Variants in RNF150 observed in about 807,000 individuals in gnomAD.
The protein encoded by RNF150 is ring finger protein 150.
A neutral mutation model predicts 39.3 loss-of-function variants in RNF150; 24 were observed. The observed-to-expected ratio is 0.61, with a 90% CI of 0.44 to 0.86. The LOEUF is 0.86. Ranked by LOEUF, RNF150 falls within the 40% of genes least tolerant of loss-of-function variation. The pLI is 0.00. For synonymous variants in RNF150, 255 were observed against 227.3 expected, an observed-to-expected ratio of 1.12 and a Z score of -1.10; for missense variants, 502 against 587.8, an observed-to-expected ratio of 0.85 and a Z score of 1.51.
upstream of RNF150, among the ~76,000 whole-genome samples, chr4:141,136,950 T>G (rs1727037329): frequency 6.6e-6 from 1 of 152,192 alleles, no homozygotes; most frequent in African/African-American, 2.4e-5. Context: ...TGTGGCTATT[T>G]GGGGGACTGG....
chr4:141,014,880 C>T (rs1269860380), intron 1 of RNF150, among the ~76,000 whole-genome samples: 1 of 152,074 alleles, frequency 6.6e-6, no homozygotes, highest in Non-Finnish European at 1.5e-5. Flanking sequence ...GGATCATATC[C>T]AAAAATCATT....
Position 140,911,136 on chromosome 4 carries a change from GA to G in RNF150, c.1198+7del, listed in dbSNP as rs766309706. The G allele has an allele frequency of 3.2e-5, 51 of 1,607,734 alleles. No individual in the cohort carries two copies. The highest frequency in any genetic ancestry group is 3.9e-5 in the Non-Finnish European group (46 of 1,174,358). On this transcript the variant is annotated splice_region_variant and intron_variant, in intron 6 of 6. Transcript: ENST00000515673. ...TGGCTATGTCACTTTAAGTATGGCAGAACTCACTGTTAGTAGTAAAGATGAC... is the reference window on the plus strand; with the variant it reads ...TGGCTATGTCACTTTAAGTATGGCAGACTCACTGTTAGTAGTAAAGATGAC...
intron 1 of RNF150, among the ~76,000 whole-genome samples, chr4:141,145,245 T>C (rs781416748): frequency 2.0e-5 from 3 of 152,222 alleles, no homozygotes; most frequent in Admixed American, 6.5e-5. Context: ...AGAATTTAAA[T>C]AGTTACAAAA....
chr4:140,929,720 T>C lies in RNF150; in HGVS notation c.891-3647A>G, dbSNP rs142343498. ...GCAAGGCTGTAGTATAGTTCTTCAA[T>C]TGACACAAGTCAAGATGTTGCTATG... is the stretch of plus-strand genomic sequence containing the variant. On this transcript the variant is annotated intron_variant, in intron 4 of 6. Coordinates refer to ENST00000515673, the MANE Select transcript of RNF150 (RefSeq NM_020724.2). Among the ~76,000 whole-genome samples the C allele has an allele frequency of 2.0e-3, 312 of 152,248 alleles. 8 individuals carry two copies. In the East Asian group the frequency reaches 0.047, roughly 23 times the overall value.
chr4:141,087,348 G>T (rs1440003599), intron 1 of RNF150, among the ~76,000 whole-genome samples: 1 of 152,146 alleles, frequency 6.6e-6, no homozygotes, highest in African/African-American at 2.4e-5. Flanking sequence ...ATTCCATGGT[G>T]TATATATACT....
At chr4:141,044,926 A>C (rs892067386) in intron 1 of RNF150, among the ~76,000 whole-genome samples, 7 of 152,206 alleles carry the variant, frequency 4.6e-5, no homozygotes, top group African/African-American at 1.7e-4. Context: ...TTAATATATT[A>C]ATGTTCTTAG....
At chr4:141,032,782 T>A (rs899289164) in intron 1 of RNF150, among the ~76,000 whole-genome samples, 7 of 152,184 alleles carry the variant, frequency 4.6e-5, no homozygotes, top group Non-Finnish European at 1.0e-4. Context: ...ATTTTTTGGT[T>A]TCCCACTGCA....
chr4:141,023,642 A>T (rs1735583767), intron 1 of RNF150, among the ~76,000 whole-genome samples: 1 of 152,142 alleles, frequency 6.6e-6, no homozygotes, highest in African/African-American at 2.4e-5. Flanking sequence ...GACAGTTTAC[A>T]TTCTCTTTTT....
intron 6 of RNF150, among the ~76,000 whole-genome samples, chr4:140,897,097 A>C (rs1183114160): frequency 1.3e-5 from 2 of 152,186 alleles, no homozygotes; most frequent in East Asian, 3.9e-4. Flanking sequence ...CTTAAGAAGG[A>C]TCCTCCAAGG....
intron 1 of RNF150, among the ~76,000 whole-genome samples, chr4:141,075,921 C>A (rs1211243329): frequency 6.6e-6 from 1 of 151,932 alleles, no homozygotes; most frequent in East Asian, 1.9e-4. Flanking sequence ...TAACCAAAAA[C>A]CACCTGTTCT....
intron 1 of RNF150, among the ~76,000 whole-genome samples, chr4:141,091,641 T>G (rs1024570952): frequency 6.6e-6 from 1 of 152,086 alleles, no homozygotes; most frequent in African/African-American, 2.4e-5. Flanking sequence ...AGGAGGGGGA[T>G]CAAGTGTTGA....
At chr4:141,071,223 G>A (rs1309837070) in intron 1 of RNF150, among the ~76,000 whole-genome samples, 1 of 130,200 alleles carries the variant, frequency 7.7e-6, no homozygotes, top group African/African-American at 2.9e-5. Flanking sequence ...CACACTCTGG[G>A]GACTGTGGTG....
In RNF150 at chr4:140,860,603, G is replaced by A. The variant is rs1165380996; in HGVS notation, c.*7658C>T. ...AATCATTTTACAACAAAAGCATTTT[G>A]TTGCAAGCATTTGTTTACAATAAAA... On this transcript the variant is annotated 3_prime_UTR_variant, in exon 7 of 7. Transcript: ENST00000515673. 2 of 152,108 alleles carry A rather than the reference G, an allele frequency of 1.3e-5. No individual in the cohort carries two copies. Among genetic ancestry groups the A allele is most frequent in the African/African-American group, 4.8e-5 (2 of 41,418 alleles). 9.4% of individuals were successfully genotyped at this position (152,108 alleles called of 1,614,324 possible). A position where few individuals can be genotyped will look rare whatever the true frequency, so the allele number is the denominator to read the frequency against.
chr4:141,071,658 T>G (rs568590191), intron 1 of RNF150, among the ~76,000 whole-genome samples: 1 of 152,112 alleles, frequency 6.6e-6, no homozygotes, highest in African/African-American at 2.4e-5. Flanking sequence ...AAATACAACA[T>G]CCTATGACTC....
intron 6 of RNF150, among the ~76,000 whole-genome samples, chr4:140,885,136 G>A (rs1729516039): frequency 6.7e-6 from 1 of 148,938 alleles, no homozygotes; most frequent in Non-Finnish European, 1.5e-5. Context: ...TGGCTGTACT[G>A]TTTTTCCATC....
intron 2 of RNF150, among the ~76,000 whole-genome samples, chr4:140,956,372 G>T (rs943435456): frequency 6.6e-6 from 1 of 152,164 alleles, no homozygotes; most frequent in Non-Finnish European, 1.5e-5. Context: ...TGGCCTTCTG[G>T]TGGGGACAGG....
intron 1 of RNF150, among the ~76,000 whole-genome samples, chr4:141,039,717 TA>T (rs979203464): frequency 1.3e-5 from 2 of 152,096 alleles, no homozygotes; most frequent in Non-Finnish European, 2.9e-5. Context: ...AGCCAATCTG[TA>T]ACAAGAGACC....
intron 1 of RNF150, among the ~76,000 whole-genome samples, chr4:141,091,694 G>T (rs564666299): frequency 2.6e-5 from 4 of 152,126 alleles, no homozygotes; most frequent in Non-Finnish European, 5.9e-5. Flanking sequence ...ATGACCTAAG[G>T]TCCTTTCCAA....
chr4:141,183,307 T>C (rs577393969), intron 1 of RNF150, among the ~76,000 whole-genome samples: 3 of 152,050 alleles, frequency 2.0e-5, no homozygotes. Context: ...TAGGCAGAAT[T>C]CTAAGATTGT....
Sources: allele counts gnomAD v4.1 joint callset (sites outside exome capture counted in the v4.1 genomes callset), GRCh38; gene constraint gnomAD v4.1.1; transcripts MANE v1.5; gene names NCBI Gene and HGNC (gene_info 2026-07-23, HGNC 2026-07-21).